Variants in SLIT2 observed in about 807,000 individuals in gnomAD.
The protein encoded by SLIT2 is slit homolog 2 protein.
SLIT2 carries 41 observed loss-of-function variants against 185.7 expected under a neutral mutation model. The observed-to-expected ratio is 0.22, with a 90% confidence interval of 0.17 to 0.29. The LOEUF (loss-of-function observed/expected upper bound fraction) is 0.29, where lower values mean the gene tolerates loss of function less well. Ranked by LOEUF, SLIT2 falls within the 10% of genes least tolerant of loss-of-function variation. The pLI, the probability that SLIT2 is intolerant of heterozygous loss-of-function variation, is 1.00. For synonymous variants in SLIT2, 693 were observed against 680.2 expected, an observed-to-expected ratio of 1.02 and a Z score of -0.29; for missense variants, 1,571 against 1,909.0, an observed-to-expected ratio of 0.82 and a Z score of 3.30.
Position 20,596,441 on chromosome 4 carries a change from C to G in SLIT2, c.3347C>G (p.Pro1116Arg). The change falls in exon 32 of 37, where the codon CCC becomes CGC. Residue 1116 changes from proline (P) to arginine (R), a missense_variant. Pro to Arg is a moderately radical substitution (Grantham distance 103). Transcript: ENST00000504154. ...GGCTTGTTCTGTGAGTTTTCTCCAC[C>G]CATGGTCCTCCCTCGTACCAGCCCC... Reference protein sequence around the residue: ...YSGLFCEFSPPMVLPRTSPCD... With the variant: ...YSGLFCEFSPRMVLPRTSPCD... The G allele has an allele frequency of 6.2e-7, 1 of 1,613,700 alleles. No homozygotes were observed. The highest frequency in any genetic ancestry group is 2.2e-5 in the East Asian group (1 of 44,864).
At chr4:20,491,602 C>T (rs620681) in intron 8 of SLIT2, among the ~76,000 whole-genome samples, 159 bp from the exon 9 acceptor site, 46,615 of 152,026 alleles carry the variant, frequency 0.31, 7,651 homozygotes, top group East Asian at 0.48. Context: ...TAAATGCATG[C>T]CTCCTAAAAT....
chr4:20,266,631 C>G (rs1713061399), intron 3 of SLIT2, among the ~76,000 whole-genome samples: 1 of 151,964 alleles, frequency 6.6e-6, no homozygotes, highest in Non-Finnish European at 1.5e-5. Context: ...AGGCTGCTCT[C>G]TTTGGCTTTT....
chr4:20,423,857 A>T (rs1044684172), intron 4 of SLIT2, among the ~76,000 whole-genome samples: 1 of 152,142 alleles, frequency 6.6e-6, no homozygotes, highest in Non-Finnish European at 1.5e-5. Flanking sequence ...TAAATGTTTG[A>T]GTTTTAAGTG....
At chr4:20,341,729 C>G (rs1011131661) in intron 4 of SLIT2, among the ~76,000 whole-genome samples, 1 of 152,172 alleles carries the variant, frequency 6.6e-6, no homozygotes, top group Non-Finnish European at 1.5e-5. Context: ...TTGACAGATA[C>G]AAGTTTTAGA....
At chr4:20,346,984 A>T (rs1721466152) in intron 4 of SLIT2, among the ~76,000 whole-genome samples, 1 of 152,090 alleles carries the variant, frequency 6.6e-6, no homozygotes, top group Non-Finnish European at 1.5e-5. Flanking sequence ...TCAAATGTTA[A>T]TCTCCTTTGG....
At chr4:20,260,458 C>T (rs969167682) in intron 3 of SLIT2, among the ~76,000 whole-genome samples, 5 of 151,484 alleles carry the variant, frequency 3.3e-5, no homozygotes, top group African/African-American at 1.2e-4. Context: ...GTATGAAGAA[C>T]AAAATAAAAT....
At chr4:20,325,097 C>G (rs1241183885) in intron 4 of SLIT2, among the ~76,000 whole-genome samples, 1 of 151,852 alleles carries the variant, frequency 6.6e-6, no homozygotes, top group African/African-American at 2.4e-5. Context: ...CTCCTAAGCT[C>G]TTTTTCCCTC....
chr4:20,597,999 G>A (rs1728115779), intron 32 of SLIT2, among the ~76,000 whole-genome samples: 1 of 152,204 alleles, frequency 6.6e-6, no homozygotes, highest in Non-Finnish European at 1.5e-5. Flanking sequence ...GCGAAAATCT[G>A]CAGCAAAGAA....
chr4:20,473,538 T>A (rs1347424922), intron 5 of SLIT2, among the ~76,000 whole-genome samples: 2 of 151,996 alleles, frequency 1.3e-5, no homozygotes, highest in Admixed American at 1.3e-4. Context: ...AGTTCACCTA[T>A]GTGTTGTTAC....
chr4:20,267,945 C>CT (rs1713212020), intron 3 of SLIT2, among the ~76,000 whole-genome samples: 1 of 151,814 alleles, frequency 6.6e-6, no homozygotes, highest in South Asian at 2.1e-4. Context: ...TACATCAGCT[C>CT]TTTATCGTTT....
intron 4 of SLIT2, among the ~76,000 whole-genome samples, chr4:20,461,998 G>T (rs1331533068): frequency 6.6e-6 from 1 of 152,062 alleles, no homozygotes; most frequent in East Asian, 1.9e-4. Flanking sequence ...CACTGCTGGG[G>T]TGGTTTTGGG....
chr4:20,549,904 A>G (rs556811090), intron 24 of SLIT2, among the ~76,000 whole-genome samples: 1 of 152,190 alleles, frequency 6.6e-6, no homozygotes, highest in African/African-American at 2.4e-5. Flanking sequence ...TTTAATGAGT[A>G]CTATACAGTA....
intron 11 of SLIT2, among the ~76,000 whole-genome samples, chr4:20,514,273 C>T (rs1720000448): frequency 6.6e-6 from 1 of 152,140 alleles, no homozygotes; most frequent in Non-Finnish European, 1.5e-5. Context: ...AATATAATCA[C>T]TACAATTGCT....
rs2148874713 is a variant in SLIT2, at chr4:20,539,604, C to T, written c.1976+20C>T. On this transcript the variant is annotated intron_variant, in intron 19 of 36. Transcript: ENST00000504154. Reference sequence around the variant, plus strand: ...TACTCTGTAAGTATGAAAAATAGCCCTTATGTATTACTTGAGCCATTTATT... The same window carrying T: ...TACTCTGTAAGTATGAAAAATAGCCTTTATGTATTACTTGAGCCATTTATT... 2 of 1,541,432 alleles carry T rather than the reference C, an allele frequency of 1.3e-6. No homozygotes were observed. Among genetic ancestry groups the T allele is most frequent in the East Asian group, 2.3e-5 (1 of 44,036 alleles).
At position 20,528,252 on chromosome 4, in the gene SLIT2, C is replaced by T. The variant is rs754049551; in HGVS notation, c.1463-697C>T. ...TCCCTCCATTTTCCTCTTGGTCTTACCTTTGGCCTAGTGGTTGGTGTAGTG... is the reference window on the plus strand; with the variant it reads ...TCCCTCCATTTTCCTCTTGGTCTTATCTTTGGCCTAGTGGTTGGTGTAGTG... On this transcript the variant is annotated intron_variant, in intron 15 of 36. Transcript: ENST00000504154. The surrounding 1 kb of genome is among the most constrained non-coding windows in gnomAD (Gnocchi z 4.2). The T allele has an allele frequency of 1.9e-6, 1 of 534,430 alleles. No individual in the cohort carries two copies. The allele number at this position is 534,430 out of a possible 1,614,324, so 33.1% of individuals were successfully genotyped here. A position where few individuals can be genotyped will look rare whatever the true frequency, so the allele number is the denominator to read the frequency against.
chr4:20,353,608 T>G (rs2109270520), intron 4 of SLIT2, among the ~76,000 whole-genome samples: 1 of 152,270 alleles, frequency 6.6e-6, no homozygotes, highest in Middle Eastern at 3.4e-3. Context: ...ATTGTACAAC[T>G]CTGTTATGAG....
chr4:20,420,302 C>G (rs1196883892), intron 4 of SLIT2, among the ~76,000 whole-genome samples: 1 of 152,076 alleles, frequency 6.6e-6, no homozygotes, highest in African/African-American at 2.4e-5. Context: ...ATGTTTAGTT[C>G]CAAGAAGCCT....
In SLIT2 at chr4:20,488,636, C is replaced by CTATAAATTCA. The variant is rs1400882408; in HGVS notation, c.612-183_612-182insTATAAATTCA. On this transcript the variant is annotated intron_variant, in intron 7 of 36. Transcript: ENST00000504154. ...CATATTCAAGCTTCTATAAATTGCT[C>CTATAAATTCA]AGTTCAGACTAAATGAAGAGAGACT... is the stretch of plus-strand genomic sequence containing the variant. 2.0e-5 allele frequency among the ~76,000 whole-genome samples: 3 copies of CTATAAATTCA among 152,260 alleles called. No individual in the cohort carries two copies. The East Asian group carries it at 5.8e-4, about 29-fold the overall frequency.
intron 5 of SLIT2, among the ~76,000 whole-genome samples, chr4:20,475,448 T>C (rs998632933): frequency 1.3e-5 from 2 of 152,000 alleles, no homozygotes; most frequent in South Asian, 2.1e-4. Context: ...AAACCTCCAT[T>C]TGGAGAACAA....
Sources: gnomAD v4.1 joint callset for allele counts (sites outside exome capture counted in the v4.1 genomes callset) on GRCh38, gnomAD v4.1.1 for gene constraint, Gnocchi (gnomAD v3.1) non-coding constraint, MANE v1.5 for transcripts, NCBI Gene and HGNC (gene_info 2026-07-23, HGNC 2026-07-21) for gene names.